The following PGM2L1 variants were observed in gnomAD, a reference collection of about 807,000 sequenced individuals.
The protein encoded by PGM2L1 is glucose 1,6-bisphosphate synthase.
In PGM2L1, 35 loss-of-function variants were observed where a neutral mutation model predicts 73.4. The observed-to-expected ratio is 0.48, with a 90% CI of 0.36 to 0.63. The LOEUF (loss-of-function observed/expected upper bound fraction) is 0.63. Among genes scored for constraint, PGM2L1 ranks in the 30% least tolerant of loss-of-function variants. The probability of loss-of-function intolerance (pLI) is 0.00; values close to 1 mark genes in which losing one functional copy is unlikely to be tolerated. For synonymous variants in PGM2L1, 225 were observed against 253.8 expected, an observed-to-expected ratio of 0.89 and a Z score of 1.08; for missense variants, 570 against 742.0, an observed-to-expected ratio of 0.77 and a Z score of 2.69.
intron 4 of PGM2L1, 55 bp from the exon 5 acceptor site, chr11:74,368,630 T>C: frequency 7.2e-7 from 1 of 1,379,566 alleles, no homozygotes; most frequent in Non-Finnish European, 1.0e-6. Context: ...TTTACACATT[T>C]GACATGAGAA....
chr11:74,355,416 T>A, intron 5 of PGM2L1: 1 of 519,232 alleles, frequency 1.9e-6, no homozygotes, highest in Non-Finnish European at 3.5e-6. Flanking sequence ...TAGCCGGGCG[T>A]GGTAGCGGTC....
chr11:74,378,250 C>T (rs574072713), intron 1 of PGM2L1, among the ~76,000 whole-genome samples: 5 of 151,454 alleles, frequency 3.3e-5, no homozygotes, highest in African/African-American at 7.3e-5. Context: ...TTTAGTGAGC[C>T]GAGATTGCGC....
intron 12 of PGM2L1, among the ~76,000 whole-genome samples, chr11:74,339,976 C>T (rs1862159558): frequency 6.6e-6 from 1 of 152,180 alleles, no homozygotes; most frequent in Non-Finnish European, 1.5e-5. Flanking sequence ...CCCCTGGTAG[C>T]ACTTATCATT....
intron 2 of PGM2L1, among the ~76,000 whole-genome samples, chr11:74,372,141 A>C (rs1450130474): frequency 6.6e-6 from 1 of 152,190 alleles, no homozygotes; most frequent in African/African-American, 2.4e-5. Flanking sequence ...AAAAAAAAAA[A>C]AAAGATTAGA....
chr11:74,337,029 T>A (rs1862108645), intron 13 of PGM2L1, among the ~76,000 whole-genome samples: 1 of 152,090 alleles, frequency 6.6e-6, no homozygotes, highest in Non-Finnish European at 1.5e-5. Flanking sequence ...TTCTCCTGGG[T>A]CAGGAGAATG....
chr11:74,376,304 A>C (rs150060872), intron 1 of PGM2L1, among the ~76,000 whole-genome samples: 103 of 152,218 alleles, frequency 6.8e-4, no homozygotes, highest in Non-Finnish European at 1.2e-3. Flanking sequence ...ACAGGATGGG[A>C]ACCTAGGCTG....
chr11:74,355,033 G>A lies in PGM2L1; in HGVS notation c.556-3457C>T, dbSNP rs773987924. Reference sequence around the variant, plus strand: ...AGTGCTTCATCCAGCCAAAGAGGTCGAAGTGGCTCTGGAAACTTTGGTGGT... The same window carrying A: ...AGTGCTTCATCCAGCCAAAGAGGTCAAAGTGGCTCTGGAAACTTTGGTGGT... On this transcript the variant is annotated intron_variant, in intron 5 of 13. Coordinates refer to ENST00000298198, the MANE Select transcript of PGM2L1 (RefSeq NM_173582.6). 832 of 1,311,512 alleles carry A rather than the reference G, an allele frequency of 6.3e-4. 2 individuals are homozygous for A. Among genetic ancestry groups the A allele is most frequent in the Non-Finnish European group, 8.2e-4 (750 of 919,776 alleles). 81.2% of individuals were successfully genotyped at this position (1,311,512 alleles called of 1,614,324 possible).
rs935905638 is a variant in PGM2L1 at position 74,334,912 on chromosome 11, T to A, written c.*1740A>T. The A allele has an allele frequency of 8.6e-5, 13 of 150,580 alleles. No homozygotes were observed. The highest frequency in any genetic ancestry group is 1.6e-4 in the Non-Finnish European group (11 of 67,610). The allele number at this position is 150,580 out of a possible 1,614,324, so 9.3% of individuals were successfully genotyped here. A position where few individuals can be genotyped will look rare whatever the true frequency, so the allele number is the denominator to read the frequency against. On this transcript the variant is annotated 3_prime_UTR_variant, in exon 14 of 14. Transcript: ENST00000298198. ...TTCTTTTTCTCTCTCTCTCTCTTTT[T>A]TTTTTTTTTTTTGAGATAAGGTCTC...
rs1443855921 is a variant in PGM2L1 at position 74,334,062 on chromosome 11, A to C, written c.*2590T>G. 2 of 152,226 alleles carry C rather than the reference A, an allele frequency of 1.3e-5. No individual in the cohort carries two copies. Among genetic ancestry groups the C allele is most frequent in the African/African-American group, 4.8e-5 (2 of 41,460 alleles). 9.4% of individuals were successfully genotyped at this position (152,226 alleles called of 1,614,324 possible). On this transcript the variant is annotated 3_prime_UTR_variant, in exon 14 of 14. Transcript: ENST00000298198. ...TTAAGTATCATGCTCAGACAGACTC[A>C]TGACAGGCTAGAATAAAATAATTCC...
Position 74,345,741 on chromosome 11 carries a change from G to GA in PGM2L1, c.1038-93dup, listed in dbSNP as rs1202268396. On this transcript the variant is annotated intron_variant, in intron 8 of 13. Coordinates refer to ENST00000298198, the MANE Select transcript of PGM2L1 (RefSeq NM_173582.6). ...CTAAAAATTACCATCCTTCAGTTAG[G>GA]AAAAATCAAAAACTATCATATGGGA... is the stretch of plus-strand genomic sequence containing the variant. The GA allele has an allele frequency of 4.4e-6, 5 of 1,133,382 alleles. No homozygotes were observed. In the Admixed American group the frequency reaches 1.2e-4, roughly 27 times the overall value. 70.2% of individuals were successfully genotyped at this position (1,133,382 alleles called of 1,614,324 possible). A position where few individuals can be genotyped will look rare whatever the true frequency, so the allele number is the denominator to read the frequency against.
At position 74,382,396 on chromosome 11, in the gene PGM2L1, A is replaced by C. The variant is rs912150023; in HGVS notation, c.112-7814T>G. ...CTTGCAATGTTGGGTTCCAAAGGCA[A>C]GTGTCCCATGAGCAAGCAAGCCAAG... is the stretch of plus-strand genomic sequence containing the variant. On this transcript the variant is annotated intron_variant, in intron 1 of 13. Transcript: ENST00000298198. Among the ~76,000 whole-genome samples, 5 of 152,246 alleles carry C rather than the reference A, an allele frequency of 3.3e-5. No individual in the cohort carries two copies. In the East Asian group the frequency reaches 9.6e-4, roughly 29 times the overall value.
chr11:74,367,392 G>A (rs548317912), intron 5 of PGM2L1, among the ~76,000 whole-genome samples: 6 of 152,136 alleles, frequency 3.9e-5, no homozygotes, highest in South Asian at 2.1e-4. Flanking sequence ...CACCAATCTC[G>A]TTTAGTCTTT....
rs552322810 is a variant in PGM2L1 at position 74,351,969 on chromosome 11, A to T, written c.556-393T>A. Reference sequence around the variant, plus strand: ...AGAGCGAGACTCTGTCTCAAAAAAAAAAATAAATAAAAATAAAAATAAAAA... The same window carrying T: ...AGAGCGAGACTCTGTCTCAAAAAAATAAATAAATAAAAATAAAAATAAAAA... On this transcript the variant is annotated intron_variant, in intron 5 of 13. Coordinates refer to ENST00000298198, the MANE Select transcript of PGM2L1 (RefSeq NM_173582.6). Among the ~76,000 whole-genome samples the T allele has an allele frequency of 4.1e-3, 419 of 101,412 alleles. 3 individuals carry two copies. The highest frequency in any genetic ancestry group is 0.01 in the African/African-American group (378 of 37,560). The allele number at this position is 101,412 out of a possible 152,430, so 66.5% of individuals were successfully genotyped here.
At chr11:74,378,289 A>C (rs1467767645) in intron 1 of PGM2L1, among the ~76,000 whole-genome samples, 3 of 152,032 alleles carry the variant, frequency 2.0e-5, no homozygotes, top group Admixed American at 6.6e-5. Context: ...GCAACAGAGT[A>C]AGACTCCGTC....
At chr11:74,363,524 AATG>A (rs1422837090) in intron 5 of PGM2L1, among the ~76,000 whole-genome samples, 1 of 152,228 alleles carries the variant, frequency 6.6e-6, no homozygotes, top group African/African-American at 2.4e-5. Context: ...CACAATAAAA[AATG>A]ATAAAGGGGA....
chr11:74,376,855 CA>C (rs1197378668), intron 1 of PGM2L1, among the ~76,000 whole-genome samples: 2 of 151,690 alleles, frequency 1.3e-5, no homozygotes, highest in Non-Finnish European at 2.9e-5. Flanking sequence ...ATTTGTATGG[CA>C]AAAAAAGCTA....
chr11:74,337,816 T>C (rs1451136368), intron 13 of PGM2L1, among the ~76,000 whole-genome samples: 4 of 152,202 alleles, frequency 2.6e-5, no homozygotes, highest in African/African-American at 4.8e-5. Context: ...TCCCAAATGA[T>C]GTAGCTGCTT....
chr11:74,354,735 A>G (rs1371982124), intron 5 of PGM2L1: 2 of 1,047,730 alleles, frequency 1.9e-6, no homozygotes, highest in Non-Finnish European at 2.9e-6. Context: ...CTCAAACACC[A>G]GGTGCCCACT....
rs1165050481 is a variant in PGM2L1 at position 74,333,665 on chromosome 11, T to C, written c.*2987A>G. 6.6e-6 allele frequency: 1 copy of C among 152,168 alleles called. No homozygotes were observed. The highest frequency in any genetic ancestry group is 1.5e-5 in the Non-Finnish European group (1 of 68,008). 9.4% of individuals were successfully genotyped at this position (152,168 alleles called of 1,614,324 possible). On this transcript the variant is annotated 3_prime_UTR_variant, in exon 14 of 14. Coordinates refer to ENST00000298198, the MANE Select transcript of PGM2L1 (RefSeq NM_173582.6). ...GGTGCATACTCATCATAACAACAAA[T>C]AAACACAAGTAAACAGGTGGGACAC...
Sources: gnomAD v4.1 joint callset for allele counts (sites outside exome capture counted in the v4.1 genomes callset) on GRCh38, gnomAD v4.1.1 for gene constraint, MANE v1.5 for transcripts, NCBI Gene and HGNC (gene_info 2026-07-23, HGNC 2026-07-21) for gene names.